The following DMD variants were observed in gnomAD, a reference collection of about 807,000 sequenced individuals.
The protein encoded by DMD is dystrophin.
Under a neutral mutation model 330.1 loss-of-function variants are expected in DMD, and 63 were observed. The ratio of observed to expected loss-of-function variants is 0.19; its 90% CI spans 0.16 to 0.24. The LOEUF (loss-of-function observed/expected upper bound fraction) is 0.24, where lower values mean the gene tolerates loss of function less well. Ranked by LOEUF, DMD falls within the 10% of genes least tolerant of loss-of-function variation. The probability of loss-of-function intolerance (pLI) is 1.00; values close to 1 mark genes in which losing one functional copy is unlikely to be tolerated. For missense variants in DMD, 3,344 were observed against 2,684.1 expected (o/e 1.25, Z -5.43); for synonymous variants, 1,223 against 959.8 (o/e 1.27, Z -5.07).
At chrX:31,481,968 C>A (rs2068321243) in intron 57 of DMD, among the ~76,000 whole-genome samples, 1 of 111,017 alleles carries the variant, frequency 9.0e-6, no homozygotes, top group Non-Finnish European at 1.9e-5. Context: ...ATAGCAGCCT[C>A]CTTCTCCTTT....
At chrX:32,094,571 T>C (rs2096494198) in intron 44 of DMD, among the ~76,000 whole-genome samples, 1 of 111,005 alleles carries the variant, frequency 9.0e-6, no homozygotes, top group Non-Finnish European at 1.9e-5. Flanking sequence ...TAGATACACA[T>C]CTCTTCCTTC....
intron 51 of DMD, among the ~76,000 whole-genome samples, chrX:31,740,400 T>C (rs770375223): frequency 1.2e-3 from 136 of 111,977 alleles, no homozygotes; most frequent in African/African-American, 4.3e-3. Flanking sequence ...ACATAAGTGA[T>C]ATAATTTTTT....
At chrX:32,084,971 A>G (rs1267151087) in intron 44 of DMD, among the ~76,000 whole-genome samples, 1 of 111,527 alleles carries the variant, frequency 9.0e-6, no homozygotes, top group Non-Finnish European at 1.9e-5. Flanking sequence ...CAGTAAAAGG[A>G]CCACTGTTTT....
rs772741549 is a variant in DMD, at chrX:31,709,462, T to A, written c.7660+20169A>T. Among the ~76,000 whole-genome samples, 6 of 111,388 alleles carry A rather than the reference T, an allele frequency of 5.4e-5. No individual in the cohort carries two copies. In the South Asian group the frequency reaches 2.3e-3, roughly 43 times the overall value. On this transcript the variant is annotated intron_variant, in intron 52 of 78. Transcript: ENST00000357033. Reference sequence around the variant, plus strand: ...TTGTTCTTACACATAATTACCATTTTAATTTAATCTAGAAAAAATAATAAT... The same window carrying A: ...TTGTTCTTACACATAATTACCATTTAAATTTAATCTAGAAAAAATAATAAT...
chrX:31,212,729 TG>T (rs2044869961), intron 64 of DMD, among the ~76,000 whole-genome samples: 1 of 111,583 alleles, frequency 9.0e-6, no homozygotes, highest in African/African-American at 3.3e-5. Flanking sequence ...AGACTCACTC[TG>T]GGTGTTATGG....
intron 5 of DMD, among the ~76,000 whole-genome samples, chrX:32,822,303 G>A (rs1266648515): frequency 1.8e-5 from 2 of 110,328 alleles, no homozygotes; most frequent in Non-Finnish European, 1.9e-5. Context: ...CCCAGAACAG[G>A]GGTGGCAATA....
chrX:32,852,670 C>T (rs184902469), intron 2 of DMD, among the ~76,000 whole-genome samples: 47 of 108,990 alleles, frequency 4.3e-4, no homozygotes, highest in African/African-American at 1.1e-3. Flanking sequence ...CTGCACAGAA[C>T]GGAGAGACCC....
rs374825192 is a variant in DMD at position 31,182,956 on chromosome X, A to C, written c.9808-52T>G. 2.8e-6 allele frequency: 3 copies of C among 1,057,353 alleles called. No homozygotes were observed. The African/African-American group carries it at 5.7e-5, about 20-fold the overall frequency. 87.1% of individuals were successfully genotyped at this position (1,057,353 alleles called of 1,213,427 possible). ...GAGGGCAAAAGGATGAAAGGAAAGA[A>C]GGCAAGATGGCAAAGGAGGTGTATA... On this transcript the variant is annotated intron_variant, in intron 67 of 78. Coordinates refer to ENST00000357033, the MANE Select transcript of DMD (RefSeq NM_004006.3).
At chrX:32,024,953 T>A (rs1185472822) in intron 44 of DMD, among the ~76,000 whole-genome samples, 1 of 111,824 alleles carries the variant, frequency 8.9e-6, no homozygotes, top group Non-Finnish European at 1.9e-5. Context: ...CAAAGTTTTT[T>A]TCTTCTTCAA....
intron 53 of DMD, among the ~76,000 whole-genome samples, chrX:31,677,903 G>A (rs923266036): frequency 8.9e-6 from 1 of 112,170 alleles, no homozygotes; most frequent in African/African-American, 3.2e-5. Flanking sequence ...GTGATGGGAT[G>A]TGGTGGAAGT....
chrX:33,225,285 AG>A (rs1211978578), intron 1 of DMD, among the ~76,000 whole-genome samples: 1 of 112,017 alleles, frequency 8.9e-6, no homozygotes, highest in African/African-American at 3.2e-5. Context: ...ATGAAGTAAG[AG>A]GAATAAGTCT....
chrX:32,598,273 T>A (rs1474211257), intron 12 of DMD, among the ~76,000 whole-genome samples: 1 of 112,027 alleles, frequency 8.9e-6, no homozygotes, highest in Non-Finnish European at 1.9e-5. Context: ...ATTCCAGAGC[T>A]TATAATGGTT....
chrX:32,921,094 A>G (rs779494018), intron 2 of DMD, among the ~76,000 whole-genome samples: 193 of 112,098 alleles, frequency 1.7e-3, no homozygotes, highest in African/African-American at 5.9e-3. Context: ...GTAGCCTAAA[A>G]GGCATTTTTA....
intron 48 of DMD, among the ~76,000 whole-genome samples, chrX:31,859,534 G>C (rs1000115682): frequency 8.9e-6 from 1 of 112,176 alleles, no homozygotes; most frequent in Non-Finnish European, 1.9e-5. Context: ...CCACAGACCA[G>C]AAATAACAGT....
At chrX:32,788,783 T>C (rs1218004321) in intron 7 of DMD, among the ~76,000 whole-genome samples, 2 of 112,319 alleles carry the variant, frequency 1.8e-5, no homozygotes, top group Non-Finnish European at 3.8e-5. Flanking sequence ...ATCAGACTTC[T>C]AATTTGAAAA....
At position 32,815,862 on chromosome X, in the gene DMD, G is replaced by A. The variant is rs1431525398; in HGVS notation, c.530+606C>T. Among the ~76,000 whole-genome samples the A allele has an allele frequency of 3.6e-5, 4 of 110,475 alleles. No homozygotes were observed. In the Admixed American group the frequency reaches 3.9e-4, roughly 11 times the overall value. ...TGTTCCAGTGCAATTGTTTCTGTTG[G>A]TATTCAAAACATTGTGTCATATAAT... On this transcript the variant is annotated intron_variant, in intron 6 of 78. Coordinates refer to ENST00000357033, the MANE Select transcript of DMD (RefSeq NM_004006.3).
chrX:31,730,483 A>G (rs2086421601), intron 51 of DMD, among the ~76,000 whole-genome samples: 1 of 112,040 alleles, frequency 8.9e-6, no homozygotes, highest in Admixed American at 9.5e-5. Context: ...AAATAAAAAT[A>G]CAAATATAAT....
chrX:32,892,836 C>T (rs1014850183), intron 2 of DMD, among the ~76,000 whole-genome samples: 2 of 112,092 alleles, frequency 1.8e-5, no homozygotes, highest in African/African-American at 3.2e-5. Flanking sequence ...CCACAATGAT[C>T]GTGTAAGCAA....
intron 2 of DMD, among the ~76,000 whole-genome samples, chrX:33,009,977 TACAC>T: frequency 1.9e-5 from 1 of 53,074 alleles, no homozygotes; most frequent in Admixed American, 1.9e-4. Flanking sequence ...TATGTGTGTA[TACAC>T]ATGTGTGTAT....
Sources: gnomAD v4.1 joint callset for allele counts (sites outside exome capture counted in the v4.1 genomes callset) on GRCh38, gnomAD v4.1.1 for gene constraint, MANE v1.5 for transcripts, NCBI Gene and HGNC (gene_info 2026-07-23, HGNC 2026-07-21) for gene names.